The following TSPAN12 variants were observed in gnomAD, a reference collection of about 807,000 sequenced individuals.
TSPAN12 encodes tetraspanin-12.
In TSPAN12, 19 loss-of-function variants were observed where a neutral mutation model predicts 39.2. The ratio of observed to expected loss-of-function variants is 0.49; its 90% CI spans 0.34 to 0.71. TSPAN12 has a LOEUF of 0.71. Among genes scored for constraint, TSPAN12 ranks in the 30% least tolerant of loss-of-function variants. The pLI, the probability that TSPAN12 is intolerant of heterozygous loss-of-function variation, is 0.01. For missense variants in TSPAN12, 314 were observed against 359.9 expected, an observed-to-expected ratio of 0.87 and a Z score of 1.03; for synonymous variants, 119 against 124.8, an observed-to-expected ratio of 0.95 and a Z score of 0.31.
Position 120,788,228 on chromosome 7 carries a change from G to A in TSPAN12, c.*364C>T, listed in dbSNP as rs1793446044. Reference sequence around the variant, plus strand: ...TTAGTACTTTATATACTAGTTGGTAGAAGTAAATCAACCTTTACTATGGCT... The same window carrying A: ...TTAGTACTTTATATACTAGTTGGTAAAAGTAAATCAACCTTTACTATGGCT... On this transcript the variant is annotated 3_prime_UTR_variant, in exon 8 of 8. Transcript: ENST00000222747. 1 of 274,022 alleles carries A rather than the reference G, an allele frequency of 3.6e-6. No homozygotes were observed. The highest frequency in any genetic ancestry group is 7.0e-6 in the Non-Finnish European group (1 of 143,300). The allele number at this position is 274,022 out of a possible 1,614,324, so 17.0% of individuals were successfully genotyped here.
At chr7:120,835,415 C>A (rs1196085355) in intron 4 of TSPAN12, among the ~76,000 whole-genome samples, 2 of 152,060 alleles carry the variant, frequency 1.3e-5, no homozygotes, top group Non-Finnish European at 2.9e-5. Flanking sequence ...CATTACAGGA[C>A]ACATTTGTAA....
chr7:120,842,364 A>G (rs973559234), intron 2 of TSPAN12, among the ~76,000 whole-genome samples: 4 of 152,092 alleles, frequency 2.6e-5, no homozygotes, highest in Non-Finnish European at 4.4e-5. Context: ...CTGACAATAA[A>G]TAAGAGAAAT....
intron 2 of TSPAN12, among the ~76,000 whole-genome samples, chr7:120,844,661 AG>A (rs1794638810): frequency 6.6e-6 from 1 of 152,230 alleles, no homozygotes; most frequent in Non-Finnish European, 1.5e-5. Context: ...AACTGATGCA[AG>A]GGGTGGGCCC....
At chr7:120,807,463 C>G (rs1793896838) in intron 6 of TSPAN12, among the ~76,000 whole-genome samples, 1 of 152,088 alleles carries the variant, frequency 6.6e-6, no homozygotes, top group South Asian at 2.1e-4. Flanking sequence ...AGATTCAGAA[C>G]AATTAACTAT....
chr7:120,837,600 C>A (rs1455590615), intron 4 of TSPAN12, among the ~76,000 whole-genome samples: 1 of 152,138 alleles, frequency 6.6e-6, no homozygotes, highest in Non-Finnish European at 1.5e-5. Flanking sequence ...GCGTGAGCCA[C>A]CTTGCCCGGC....
chr7:120,804,606 T>A (rs1319841636), intron 7 of TSPAN12, among the ~76,000 whole-genome samples: 1 of 152,204 alleles, frequency 6.6e-6, no homozygotes, highest in African/African-American at 2.4e-5. Flanking sequence ...TCTGATCATC[T>A]TTTAAAATAA....
intron 4 of TSPAN12, among the ~76,000 whole-genome samples, chr7:120,838,050 T>A (rs1387731056): frequency 6.6e-6 from 1 of 152,254 alleles, no homozygotes; most frequent in Non-Finnish European, 1.5e-5. Context: ...GTATACTCAA[T>A]GAATTAATTT....
chr7:120,854,541 A>C (rs910141982), intron 2 of TSPAN12, among the ~76,000 whole-genome samples: 3 of 152,266 alleles, frequency 2.0e-5, no homozygotes, highest in Admixed American at 2.0e-4. Flanking sequence ...GCTAGGAAAC[A>C]GACACTAAAT....
chr7:120,833,987 AT>A (rs1441762539), intron 4 of TSPAN12, among the ~76,000 whole-genome samples: 1 of 152,172 alleles, frequency 6.6e-6, no homozygotes, highest in Non-Finnish European at 1.5e-5. Flanking sequence ...CGTGAAAGGC[AT>A]GGCATATTCC....
rs534460905 is a variant in TSPAN12, at chr7:120,800,955, A to G, written c.612+5594T>C. Reference sequence around the variant, plus strand: ...CACACATGCACCACAGCGTCCAGCTAATTTTTGTATTTTTAGTAGAGTTAG... The same window carrying G: ...CACACATGCACCACAGCGTCCAGCTGATTTTTGTATTTTTAGTAGAGTTAG... On this transcript the variant is annotated intron_variant, in intron 7 of 7. Transcript: ENST00000222747. 8.6e-5 allele frequency among the ~76,000 whole-genome samples: 13 copies of G among 151,848 alleles called. No homozygotes were observed. In the East Asian group the frequency reaches 2.3e-3, roughly 27 times the overall value.
chr7:120,828,596 C>T (rs537461580), intron 4 of TSPAN12, among the ~76,000 whole-genome samples: 3 of 151,666 alleles, frequency 2.0e-5, no homozygotes, highest in Non-Finnish European at 4.4e-5. Context: ...CCTCAGGTCC[C>T]TTTGTTAAAT....
intron 4 of TSPAN12, among the ~76,000 whole-genome samples, chr7:120,825,854 A>G (rs1437309540): frequency 2.0e-5 from 3 of 152,170 alleles, no homozygotes; most frequent in Non-Finnish European, 4.4e-5. Context: ...GCAGACACAC[A>G]CTTGGTAATT....
chr7:120,792,373 C>T (rs763169616), intron 7 of TSPAN12, among the ~76,000 whole-genome samples: 1 of 152,216 alleles, frequency 6.6e-6, no homozygotes, highest in South Asian at 2.1e-4. Context: ...AGGTTACCAA[C>T]GACAGTTAGA....
At chr7:120,795,845 CA>C (rs1793617763) in intron 7 of TSPAN12, among the ~76,000 whole-genome samples, 1 of 152,108 alleles carries the variant, frequency 6.6e-6, no homozygotes, top group South Asian at 2.1e-4. Flanking sequence ...AAGCAGCAAG[CA>C]ATAAAATTCA....
chr7:120,838,071 T>C (rs1168673975), intron 4 of TSPAN12, among the ~76,000 whole-genome samples: 3 of 152,232 alleles, frequency 2.0e-5, no homozygotes, highest in Non-Finnish European at 4.4e-5. Flanking sequence ...TTCAGCCTTA[T>C]ATGTCTGCAA....
intron 4 of TSPAN12, among the ~76,000 whole-genome samples, chr7:120,825,812 C>A (rs1794274548): frequency 6.6e-6 from 1 of 152,198 alleles, no homozygotes; most frequent in South Asian, 2.1e-4. Context: ...GCTGAAAACA[C>A]ATATACACAC....
At chr7:120,806,528 A>G (rs1306844403) in intron 7 of TSPAN12, 21 bp downstream of exon 7, 1 of 1,612,024 alleles carries the variant, frequency 6.2e-7, no homozygotes, top group Non-Finnish European at 8.5e-7. Context: ...TCCATAATAA[A>G]TTAACCATAT....
At chr7:120,793,039 ACT>A (rs1793562231) in intron 7 of TSPAN12, among the ~76,000 whole-genome samples, 1 of 152,206 alleles carries the variant, frequency 6.6e-6, no homozygotes, top group Admixed American at 6.5e-5. Flanking sequence ...ACTGGTTCTA[ACT>A]CTGCTCTCAA....
intron 7 of TSPAN12, among the ~76,000 whole-genome samples, chr7:120,795,407 A>C (rs1197319636): frequency 1.3e-5 from 2 of 152,194 alleles, no homozygotes; most frequent in African/African-American, 4.8e-5. Flanking sequence ...CATTTCCTGG[A>C]ATCTATTTGA....
Sources: gnomAD v4.1 joint callset for allele counts (sites outside exome capture counted in the v4.1 genomes callset) on GRCh38, gnomAD v4.1.1 for gene constraint, MANE v1.5 for transcripts, NCBI Gene and HGNC (gene_info 2026-07-23, HGNC 2026-07-21) for gene names.